The following MTUS2 variants were observed in gnomAD, a reference collection of about 807,000 sequenced individuals.
MTUS2 encodes microtubule associated scaffold protein 2.
A neutral mutation model predicts 114.1 loss-of-function variants in MTUS2; 40 were observed. The observed-to-expected ratio is 0.35, with a 90% confidence interval of 0.27 to 0.46. The LOEUF is 0.46. MTUS2 is among the 20% of genes least tolerant of loss of function. The probability of loss-of-function intolerance (pLI) is 1.00; values close to 1 mark genes in which losing one functional copy is unlikely to be tolerated. For missense variants in MTUS2, 1,679 were observed against 1,705.4 expected, an observed-to-expected ratio of 0.98 and a Z score of 0.27; for synonymous variants, 688 against 672.0, an observed-to-expected ratio of 1.02 and a Z score of -0.37.
At chr13:29,082,637 G>T (rs1889495890) in intron 4 of MTUS2, among the ~76,000 whole-genome samples, 1 of 152,116 alleles carries the variant, frequency 6.6e-6, no homozygotes, top group South Asian at 2.1e-4. Context: ...GTAGCAAAGA[G>T]GCCTCAATAG....
At chr13:28,910,855 C>CTTT (rs555935861) in intron 2 of MTUS2, among the ~76,000 whole-genome samples, 1 of 58,006 alleles carries the variant, frequency 1.7e-5, no homozygotes, top group African/African-American at 7.3e-5. Flanking sequence ...ATATACATGG[C>CTTT]TTTTTTTTTT....
At chr13:29,397,742 C>T (rs7334503) in intron 8 of MTUS2, among the ~76,000 whole-genome samples, 40,794 of 152,220 alleles carry the variant, frequency 0.27, 6,201 homozygotes, top group Admixed American at 0.37. Flanking sequence ...GTGCCTCCTA[C>T]TGCAGTTGAT....
chr13:29,504,502 G>T lies in MTUS2; in HGVS notation c.*1296G>T, dbSNP rs963069089. On this transcript the variant is annotated 3_prime_UTR_variant, in exon 16 of 16. Coordinates refer to ENST00000612955, the MANE Select transcript of MTUS2 (RefSeq NM_001033602.4). ...ACTTCCTGCTGGATGATCAGGCAAC[G>T]CTGCTGCTGACCGTGCTCCCATCTT... 4.3e-6 allele frequency: 1 copy of T among 232,108 alleles called. No homozygotes were observed. Among genetic ancestry groups the T allele is most frequent in the Non-Finnish European group, 8.5e-6 (1 of 117,666 alleles). The allele number at this position is 232,108 out of a possible 1,614,324, so 14.4% of individuals were successfully genotyped here. A position where few individuals can be genotyped will look rare whatever the true frequency, so the allele number is the denominator to read the frequency against.
At chr13:29,145,843 T>C (rs2139019225) in intron 5 of MTUS2, among the ~76,000 whole-genome samples, 1 of 152,340 alleles carries the variant, frequency 6.6e-6, no homozygotes, top group East Asian at 1.9e-4. Flanking sequence ...ATAGCAAGAA[T>C]GATGAGTGTA....
At chr13:29,122,977 G>A (rs958407251) in intron 5 of MTUS2, among the ~76,000 whole-genome samples, 3 of 152,166 alleles carry the variant, frequency 2.0e-5, no homozygotes, top group African/African-American at 7.2e-5. Flanking sequence ...TCCATGCCTG[G>A]TCTATACCAG....
chr13:29,228,441 T>C (rs9506123), intron 5 of MTUS2, among the ~76,000 whole-genome samples: 118,654 of 151,466 alleles, frequency 0.78, 46,654 homozygotes, highest in East Asian at 0.89. Context: ...CCATCTCAGC[T>C]TCCTAAGTAG....
At chr13:29,109,371 A>G (rs957134734) in intron 5 of MTUS2, among the ~76,000 whole-genome samples, 2 of 152,202 alleles carry the variant, frequency 1.3e-5, no homozygotes, top group African/African-American at 2.4e-5. Flanking sequence ...AGTATACAAT[A>G]TAGTGTTATT....
intron 7 of MTUS2, among the ~76,000 whole-genome samples, chr13:29,346,764 G>A: frequency 6.8e-6 from 1 of 146,170 alleles, no homozygotes; most frequent in Non-Finnish European, 1.5e-5. Context: ...AATTCCACTG[G>A]CACCCCTCCC....
intron 8 of MTUS2, among the ~76,000 whole-genome samples, chr13:29,438,815 T>A (rs1038896264): frequency 1.3e-5 from 2 of 152,218 alleles, no homozygotes; most frequent in Non-Finnish European, 2.9e-5. Flanking sequence ...TAGAGTTTTA[T>A]TTTTGGCATG....
At chr13:29,167,191 C>A (rs1007658231) in intron 5 of MTUS2, among the ~76,000 whole-genome samples, 1 of 151,996 alleles carries the variant, frequency 6.6e-6, no homozygotes, top group Non-Finnish European at 1.5e-5. Flanking sequence ...TGGCTAACAC[C>A]GTGAAACCTT....
intron 2 of MTUS2, among the ~76,000 whole-genome samples, chr13:28,896,272 G>A (rs895601398): frequency 5.3e-5 from 8 of 152,092 alleles, no homozygotes; most frequent in Non-Finnish European, 1.2e-4. Context: ...CAAACAGAGA[G>A]CCAAATCATG....
intron 4 of MTUS2, among the ~76,000 whole-genome samples, chr13:29,067,951 TAA>T (rs1888737136): frequency 1.7e-5 from 1 of 58,296 alleles, no homozygotes; most frequent in African/African-American, 7.8e-5. Flanking sequence ...TAAAAACAAT[TAA>T]TTGATTGGCA....
chr13:29,217,813 T>G (rs1287674855), intron 5 of MTUS2, among the ~76,000 whole-genome samples: 1 of 152,212 alleles, frequency 6.6e-6, no homozygotes, highest in African/African-American at 2.4e-5. Flanking sequence ...AAATTCTTTT[T>G]TGTCATTTCA....
At chr13:28,886,146 A>T (rs1347353802) in intron 2 of MTUS2, among the ~76,000 whole-genome samples, 1 of 152,000 alleles carries the variant, frequency 6.6e-6, no homozygotes, top group Non-Finnish European at 1.5e-5. Context: ...GGTCAGAGGG[A>T]TGTAGGGGCC....
intron 2 of MTUS2, among the ~76,000 whole-genome samples, chr13:28,955,533 A>C (rs979554957): frequency 6.6e-5 from 10 of 152,158 alleles, no homozygotes; most frequent in South Asian, 4.1e-4. Context: ...GCTCAGTGTG[A>C]CCCATATATG....
chr13:29,496,700 C>T lies in MTUS2; in HGVS notation c.3580-538C>T, dbSNP rs1464638790. Among the ~76,000 whole-genome samples, 2 of 152,180 alleles carry T rather than the reference C, an allele frequency of 1.3e-5. No homozygotes were observed. The highest frequency in any genetic ancestry group is 4.8e-5 in the African/African-American group (2 of 41,514). On this transcript the variant is annotated intron_variant, in intron 12 of 15. Coordinates refer to ENST00000612955, the MANE Select transcript of MTUS2 (RefSeq NM_001033602.4). This position sits in a 1 kb window ranked among gnomAD's most constrained non-coding sequence, Gnocchi z 4.3. ...CAGAGTGGCCTGAGCTCAGGGGACT[C>T]TGTGGGTTCTAGGGACATTCAGGAG...
chr13:28,935,538 A>G (rs1245102786), intron 2 of MTUS2, among the ~76,000 whole-genome samples: 1 of 151,740 alleles, frequency 6.6e-6, no homozygotes, highest in Non-Finnish European at 1.5e-5. Context: ...CATTATACAC[A>G]TATGTATAAG....
intron 4 of MTUS2, among the ~76,000 whole-genome samples, chr13:29,091,624 A>G (rs1193183921): frequency 6.6e-6 from 1 of 152,194 alleles, no homozygotes; most frequent in African/African-American, 2.4e-5. Flanking sequence ...TGAGACACAT[A>G]ACCAGTTGTC....
At chr13:29,066,100 C>T (rs1888654782) in intron 4 of MTUS2, among the ~76,000 whole-genome samples, 1 of 152,152 alleles carries the variant, frequency 6.6e-6, no homozygotes, top group African/African-American at 2.4e-5. Context: ...CTAGAATGTA[C>T]TTCAACTCTC....
Sources: gnomAD v4.1 joint callset for allele counts (sites outside exome capture counted in the v4.1 genomes callset) on GRCh38, gnomAD v4.1.1 for gene constraint, Gnocchi (gnomAD v3.1) non-coding constraint, MANE v1.5 for transcripts, NCBI Gene and HGNC (gene_info 2026-07-23, HGNC 2026-07-21) for gene names.